The following OSBPL3 variants were observed in gnomAD, a reference collection of about 807,000 sequenced individuals.
OSBPL3 encodes oxysterol binding protein like 3.
A neutral mutation model predicts 120.1 loss-of-function variants in OSBPL3; 65 were observed. The observed-to-expected ratio is 0.54, with a 90% CI of 0.44 to 0.67. The LOEUF (loss-of-function observed/expected upper bound fraction) is 0.67, where lower values mean the gene tolerates loss of function less well. Among genes scored for constraint, OSBPL3 ranks in the 30% least tolerant of loss-of-function variants. OSBPL3 has a pLI of 0.00. For synonymous variants in OSBPL3, 416 were observed against 402.6 expected (o/e 1.03, Z -0.40); for missense variants, 1,004 against 1,082.1 (o/e 0.93, Z 1.01).
At chr7:24,957,769 A>G (rs1584733059) in intron 1 of OSBPL3, among the ~76,000 whole-genome samples, 1 of 152,162 alleles carries the variant, frequency 6.6e-6, no homozygotes, top group Admixed American at 6.5e-5. Context: ...ATAAAACCTA[A>G]AAAACAGACT....
In OSBPL3 at chr7:24,816,614, G is replaced by T; in HGVS notation, c.2023C>A (p.Pro675Thr). 6.2e-7 allele frequency: 1 copy of T among 1,608,092 alleles called. No individual in the cohort carries two copies. Among genetic ancestry groups the T allele is most frequent in the Non-Finnish European group, 8.5e-7 (1 of 1,174,558 alleles). The change falls in exon 18 of 23, where the codon CCA becomes ACA. Residue 675 changes from proline (P) to threonine (T), a missense_variant. Physicochemically the swap from Pro to Thr is conservative, Grantham distance 38 (BLOSUM62 -1). Transcript: ENST00000313367. The stretch of plus-strand genomic sequence containing the variant: ...AACCACAGAAGAAGAACTTACACTG[G>T]CAGAGTCACATGGGTTGTGCCAATT... Reference protein sequence around the residue: ...VPIGTTHVTLPVFGDHFEWNK... With the variant: ...VPIGTTHVTLTVFGDHFEWNK...
rs540383462 is a variant in OSBPL3, at chr7:24,817,999, G to T, written c.1949-1311C>A. Among the ~76,000 whole-genome samples, 1 of 152,162 alleles carries T rather than the reference G, an allele frequency of 6.6e-6. No individual in the cohort carries two copies. The highest frequency in any genetic ancestry group is 1.5e-5 in the Non-Finnish European group (1 of 68,024). ...CACAGGGAAATCAGGGTTGAAGCAG[G>T]GGGGACAGTGGGGAGCCCTGGCTGG... On this transcript the variant is annotated intron_variant, in intron 17 of 22. Transcript: ENST00000313367. This position sits in a 1 kb window ranked among gnomAD's most constrained non-coding sequence, Gnocchi z 4.0.
chr7:24,827,015 A>G lies in OSBPL3; in HGVS notation c.1884+3753T>C, dbSNP rs566030721. Reference sequence around the variant, plus strand: ...GACTGTTGTCTAGAAAACTCAGAAGAAAAGCCAAGCTGTTTCTTGCCAGGT... The same window carrying G: ...GACTGTTGTCTAGAAAACTCAGAAGGAAAGCCAAGCTGTTTCTTGCCAGGT... On this transcript the variant is annotated intron_variant, in intron 16 of 22. Coordinates refer to ENST00000313367, the MANE Select transcript of OSBPL3 (RefSeq NM_015550.4). The surrounding 1 kb of genome is among the most constrained non-coding windows in gnomAD (Gnocchi z 5.1). Among the ~76,000 whole-genome samples the G allele has an allele frequency of 6.6e-6, 1 of 152,324 alleles. No homozygotes were observed. Among genetic ancestry groups the G allele is most frequent in the South Asian group, 2.1e-4 (1 of 4,820 alleles).
intron 1 of OSBPL3, among the ~76,000 whole-genome samples, chr7:24,928,557 C>A (rs181532558): frequency 1.3e-5 from 2 of 152,180 alleles, no homozygotes; most frequent in African/African-American, 4.8e-5. Context: ...AATACAGCAC[C>A]CCTTTTAAGT....
chr7:24,863,443 G>C lies in OSBPL3; in HGVS notation c.777+53C>G, dbSNP rs925612016. The C allele has an allele frequency of 6.7e-7, 1 of 1,485,928 alleles. No individual in the cohort carries two copies. The highest frequency in any genetic ancestry group is 9.4e-7 in the Non-Finnish European group (1 of 1,063,130). 92.0% of individuals were successfully genotyped at this position (1,485,928 alleles called of 1,614,324 possible). On this transcript the variant is annotated intron_variant, in intron 8 of 22. Transcript: ENST00000313367. The surrounding 1 kb of genome is among the most constrained non-coding windows in gnomAD (Gnocchi z 5.8). ...CACTGTTAGTGAAAGGCTGGGAGGA[G>C]AAAGGAAAGCAGAAGAGGGCCAGAA...
At position 24,966,899 on chromosome 7, in the gene OSBPL3, T is replaced by C. The variant is rs954688651; in HGVS notation, c.-150+12987A>G. Among the ~76,000 whole-genome samples the C allele has an allele frequency of 6.6e-6, 1 of 152,230 alleles. No individual in the cohort carries two copies. The highest frequency in any genetic ancestry group is 1.5e-5 in the Non-Finnish European group (1 of 68,044). ...ATTTATGTCAACAAATAATCATTTT[T>C]TTATTTACCGCCACTTTGCTTATTC... On this transcript the variant is annotated intron_variant, in intron 1 of 22. Transcript: ENST00000313367. The surrounding 1 kb of genome is among the most constrained non-coding windows in gnomAD (Gnocchi z 4.8).
Position 24,912,760 on chromosome 7 carries a change from C to G in OSBPL3, c.-149-20139G>C, listed in dbSNP as rs1049906585. Among the ~76,000 whole-genome samples, 2 of 152,234 alleles carry G rather than the reference C, an allele frequency of 1.3e-5. No individual in the cohort carries two copies. The highest frequency in any genetic ancestry group is 1.3e-4 in the Admixed American group (2 of 15,284). ...ACCAATGTACATCCCATCCCACATG[C>G]TCCTCTAACAAAGTGACCGTGACAC... On this transcript the variant is annotated intron_variant, in intron 1 of 22. Coordinates refer to ENST00000313367, the MANE Select transcript of OSBPL3 (RefSeq NM_015550.4). The surrounding 1 kb of genome is among the most constrained non-coding windows in gnomAD (Gnocchi z 4.5).
At chr7:24,974,110 G>A (rs896004071) in intron 1 of OSBPL3, among the ~76,000 whole-genome samples, 2 of 151,858 alleles carry the variant, frequency 1.3e-5, no homozygotes, top group Non-Finnish European at 2.9e-5. Context: ...GTTATCCTAC[G>A]GCGCTTCTCA....
intron 1 of OSBPL3, among the ~76,000 whole-genome samples, chr7:24,914,541 T>C (rs1429247677): frequency 1.3e-5 from 2 of 152,162 alleles, no homozygotes; most frequent in East Asian, 1.9e-4. Context: ...CTTTTTTTTG[T>C]AGCACAAAAT....
intron 14 of OSBPL3, among the ~76,000 whole-genome samples, chr7:24,836,939 A>C (rs954818580): frequency 2.0e-5 from 3 of 152,166 alleles, no homozygotes; most frequent in African/African-American, 7.2e-5. Flanking sequence ...GGCTCAAGCA[A>C]TCTTCCTGCC....
intron 1 of OSBPL3, among the ~76,000 whole-genome samples, chr7:24,911,801 C>CA (rs931312997): frequency 2.0e-5 from 3 of 152,030 alleles, no homozygotes; most frequent in African/African-American, 7.3e-5. Flanking sequence ...AAGATTACTG[C>CA]AAAAAACTTA....
chr7:24,834,168 C>T lies in OSBPL3; in HGVS notation c.1746+318G>A. On this transcript the variant is annotated intron_variant, in intron 15 of 22. Coordinates refer to ENST00000313367, the MANE Select transcript of OSBPL3 (RefSeq NM_015550.4). This position sits in a 1 kb window ranked among gnomAD's most constrained non-coding sequence, Gnocchi z 5.2. ...ATAAACATGCAGACAGCCCTAAAGACATGTTTTCCAGCCGGGCACATCGGA... is the reference window on the plus strand; with the variant it reads ...ATAAACATGCAGACAGCCCTAAAGATATGTTTTCCAGCCGGGCACATCGGA... 1 of 1,070,286 alleles carries T rather than the reference C, an allele frequency of 9.3e-7. No homozygotes were observed. Among genetic ancestry groups the T allele is most frequent in the Non-Finnish European group, 1.1e-6 (1 of 876,340 alleles). The allele number at this position is 1,070,286 out of a possible 1,614,324, so 66.3% of individuals were successfully genotyped here.
At chr7:24,884,844 A>G (rs563548813) in intron 2 of OSBPL3, among the ~76,000 whole-genome samples, 1 of 152,334 alleles carries the variant, frequency 6.6e-6, no homozygotes, top group Admixed American at 6.5e-5. Flanking sequence ...TGATCATCAT[A>G]GAACAGTGTG....
intron 1 of OSBPL3, among the ~76,000 whole-genome samples, chr7:24,945,756 C>T (rs1373727998): frequency 6.6e-6 from 1 of 152,166 alleles, no homozygotes; most frequent in African/African-American, 2.4e-5. Flanking sequence ...AGGTAAGATG[C>T]TGATTGTTCG....
rs1794775385 is a variant in OSBPL3 at position 24,818,799 on chromosome 7, A to G, written c.1948+1376T>C. Among the ~76,000 whole-genome samples, 1 of 152,238 alleles carries G rather than the reference A, an allele frequency of 6.6e-6. No individual in the cohort carries two copies. The highest frequency in any genetic ancestry group is 1.9e-4 in the East Asian group (1 of 5,204). On this transcript the variant is annotated intron_variant, in intron 17 of 22. Coordinates refer to ENST00000313367, the MANE Select transcript of OSBPL3 (RefSeq NM_015550.4). The surrounding 1 kb of genome is among the most constrained non-coding windows in gnomAD (Gnocchi z 4.0). The stretch of plus-strand genomic sequence containing the variant: ...AGAGAAATGTCAGGCTGGGTTACAA[A>G]GCAAGATTTGGGAATCCTAGGCCCA...
Position 24,806,787 on chromosome 7 carries a change from C to T in OSBPL3, c.2433G>A (p.Arg811=). 1 of 1,613,900 alleles carries T rather than the reference C, an allele frequency of 6.2e-7. No homozygotes were observed. Among genetic ancestry groups the T allele is most frequent in the African/African-American group, 1.3e-5 (1 of 75,020 alleles). Residue 811 remains arginine, a synonymous_variant, in exon 21 of 23, where the codon AGG becomes AGA. Coordinates refer to ENST00000313367, the MANE Select transcript of OSBPL3 (RefSeq NM_015550.4). This position sits in a 1 kb window ranked among gnomAD's most constrained non-coding sequence, Gnocchi z 5.2. ...TAAAAAATCCTTACCTCTGGTCTGG[C>T]CTAAATCGAGTGTCAGTAGGTGGCA... is the stretch of plus-strand genomic sequence containing the variant. ...SLLPPTDTRF[R]PDQRFLEEGN...
chr7:24,970,961 C>G (rs1394457401), intron 1 of OSBPL3, among the ~76,000 whole-genome samples: 1 of 152,196 alleles, frequency 6.6e-6, no homozygotes, highest in South Asian at 2.1e-4. Context: ...AAAGTAAAAG[C>G]CTTTAGAAAA....
At chr7:24,836,405 T>C (rs892631224) in intron 14 of OSBPL3, among the ~76,000 whole-genome samples, 2 of 152,254 alleles carry the variant, frequency 1.3e-5, no homozygotes, top group African/African-American at 4.8e-5. Context: ...ACTTCTTCTT[T>C]GCTGAATTGT....
intron 5 of OSBPL3, among the ~76,000 whole-genome samples, chr7:24,870,260 A>AATATT: frequency 1.3e-5 from 2 of 152,136 alleles, no homozygotes; most frequent in Non-Finnish European, 2.9e-5. Context: ...CTATTTGGGA[A>AATATT]CCCACACTTC....
Sources: allele counts gnomAD v4.1 joint callset (sites outside exome capture counted in the v4.1 genomes callset), GRCh38; gene constraint gnomAD v4.1.1; non-coding constraint Gnocchi (gnomAD v3.1); transcripts MANE v1.5; gene names NCBI Gene and HGNC (gene_info 2026-07-23, HGNC 2026-07-21).